The following DGCR2 variants were observed in gnomAD, a reference collection of about 807,000 sequenced individuals.
DGCR2 encodes the protein integral membrane protein DGCR2/IDD.
DGCR2 carries 24 observed loss-of-function variants against 51.6 expected under a neutral mutation model. The observed-to-expected ratio is 0.47, with a 90% CI of 0.34 to 0.65. The LOEUF is 0.65. DGCR2 is among the 30% of genes least tolerant of loss of function. DGCR2 has a pLI of 0.01. For missense variants in DGCR2, 765 were observed against 772.1 expected (o/e 0.99, Z 0.11); for synonymous variants, 340 against 315.4 (o/e 1.08, Z -0.82).
chr22:19,107,953 G>A (rs947187538), intron 1 of DGCR2, among the ~76,000 whole-genome samples: 4 of 152,216 alleles, frequency 2.6e-5, no homozygotes, highest in Non-Finnish European at 4.4e-5. Context: ...TGCTCATTTT[G>A]CATGTGCCAG....
At chr22:19,048,368 G>A in intron 7 of DGCR2, 72 bp downstream of exon 7, 2 of 1,546,512 alleles carry the variant, frequency 1.3e-6, no homozygotes, top group Non-Finnish European at 1.8e-6. Context: ...CACCACTGAG[G>A]AAGCAAAGGG....
In DGCR2 at chr22:19,064,948, C is replaced by T. The variant is rs749451963; in HGVS notation, c.448G>A (p.Gly150Ser). The T allele has an allele frequency of 1.2e-6, 2 of 1,614,042 alleles. No homozygotes were observed. Among genetic ancestry groups the T allele is most frequent in the Admixed American group, 1.7e-5 (1 of 60,036 alleles). Residue 150 changes from glycine to serine, a missense_variant, in exon 4 of 10, where the codon GGC (glycine) becomes AGC (serine). By Grantham distance (56) the Gly-to-Ser change is moderately conservative (BLOSUM62 0). Around this residue, in one of 3 missense-constraint regions of DGCR2, gnomAD observed 370 missense variants for 325.5 expected, o/e 1.14. Coordinates refer to ENST00000263196, the MANE Select transcript of DGCR2 (RefSeq NM_005137.3). ...TCAGTGGAGAAGGTGGCGAGAGAGC[C>T]ATTCAGGCGCTGGCAGGTCTGCGCG... ...DAAQTCQRLN[G>S]SLATFSTDQE...
intron 1 of DGCR2, among the ~76,000 whole-genome samples, chr22:19,118,396 A>AAAC (rs1417512613): frequency 6.6e-6 from 1 of 151,046 alleles, no homozygotes; most frequent in East Asian, 1.9e-4. Flanking sequence ...AAAAAAAAAA[A>AAAC]AACAACTCTG....
chr22:19,077,197 T>C (rs536433834), intron 2 of DGCR2, among the ~76,000 whole-genome samples: 21 of 152,340 alleles, frequency 1.4e-4, no homozygotes, highest in African/African-American at 5.0e-4. Context: ...AATTTTGACG[T>C]AGCTTAATTT....
intron 2 of DGCR2, among the ~76,000 whole-genome samples, chr22:19,068,486 C>T (rs1265998374): frequency 6.6e-6 from 1 of 152,242 alleles, no homozygotes; most frequent in Non-Finnish European, 1.5e-5. Context: ...CTCTTCATTG[C>T]ATTTTCTAAC....
At chr22:19,049,149 G>A (rs1036463220) in intron 6 of DGCR2, among the ~76,000 whole-genome samples, 4 of 152,236 alleles carry the variant, frequency 2.6e-5, no homozygotes, top group Non-Finnish European at 5.9e-5. Context: ...AGTTGCTGAA[G>A]TAGATTACTT....
intron 1 of DGCR2, 160 bp downstream of exon 1, chr22:19,121,968 C>T (rs1217224246): frequency 1.5e-5 from 5 of 333,884 alleles, no homozygotes; most frequent in Non-Finnish European, 2.6e-5. Context: ...CTCCAGCAGG[C>T]GTCCGCAGAG....
chr22:19,053,462 C>T (rs1305220484), intron 6 of DGCR2, among the ~76,000 whole-genome samples: 2 of 152,146 alleles, frequency 1.3e-5, no homozygotes, highest in Non-Finnish European at 2.9e-5. Flanking sequence ...CTGCTAAATA[C>T]GAAAGCCTGA....
At chr22:19,056,204 AC>A (rs901583670) in intron 6 of DGCR2, 5 of 157,404 alleles carry the variant, frequency 3.2e-5, no homozygotes, top group African/African-American at 1.2e-4. Context: ...AGTCCCAGCT[AC>A]TCAGGAAGCT....
At chr22:19,060,915 T>C (rs751758984) in intron 5 of DGCR2, 5 of 511,122 alleles carry the variant, frequency 9.8e-6, no homozygotes, top group South Asian at 2.9e-5. Flanking sequence ...CACATGGGCA[T>C]AGTAAGCGTC....
intron 1 of DGCR2, among the ~76,000 whole-genome samples, chr22:19,108,858 CA>C (rs796971188): frequency 0.15 from 13,949 of 91,754 alleles, 643 homozygotes; most frequent in Middle Eastern, 0.26. Flanking sequence ...CTCATCTTTA[CA>C]AAAAAAAAAA....
At position 19,057,101 on chromosome 22, in the gene DGCR2, G is replaced by T. The variant is rs1017701686; in HGVS notation, c.687C>A (p.Asp229Glu). The stretch of plus-strand genomic sequence containing the variant: ...ACTGAAGCTGGGCACAGAACACGTT[G>T]TCGTTCTCAGACATGGCCGAGGCAA... ...PIFASAMSEN[D>E]NVFCAQLQCF... is the part of the protein sequence containing the mutation. Residue 229 changes from aspartate (D) to glutamate (E), a missense_variant, in exon 6 of 10, where the codon GAC becomes GAA. Transcript: ENST00000263196. This position sits in a 1 kb window ranked among gnomAD's most constrained non-coding sequence, Gnocchi z 5.1. The T allele has an allele frequency of 1.2e-6, 2 of 1,607,418 alleles. No homozygotes were observed. The highest frequency in any genetic ancestry group is 1.7e-6 in the Non-Finnish European group (2 of 1,177,098).
chr22:19,082,222 CTTTTTTTTTTTT>C (rs56725898), intron 2 of DGCR2, among the ~76,000 whole-genome samples: 1 of 88,052 alleles, frequency 1.1e-5, no homozygotes, highest in African/African-American at 4.7e-5. Context: ...CTAATTATTT[CTTTTTTTTTTTT>C]TTTTTTTTTT....
chr22:19,078,900 G>T (rs1423512473), intron 2 of DGCR2, among the ~76,000 whole-genome samples: 35 of 152,186 alleles, frequency 2.3e-4, no homozygotes, highest in Admixed American at 2.3e-3. Flanking sequence ...AAGGACTGAT[G>T]TTAATTCTTC....
intron 9 of DGCR2, 125 bp from the exon 10 acceptor site, chr22:19,039,246 C>G (rs2082405429): frequency 6.9e-6 from 9 of 1,298,342 alleles, no homozygotes; most frequent in Non-Finnish European, 9.5e-6. Flanking sequence ...GGGTGGTGAG[C>G]AGGACCTGGG....
At chr22:19,041,483 C>A (rs2082431569) in intron 8 of DGCR2, 189 bp from the exon 9 acceptor site, 4 of 633,206 alleles carry the variant, frequency 6.3e-6, no homozygotes, top group African/African-American at 3.7e-5. Context: ...GCATGTCTCA[C>A]CCTCACCACA....
intron 1 of DGCR2, among the ~76,000 whole-genome samples, chr22:19,109,989 T>C (rs867671334): frequency 6.6e-6 from 1 of 152,222 alleles, no homozygotes; most frequent in Admixed American, 6.5e-5. Flanking sequence ...GTTCCTCCCT[T>C]GTCTAACAGA....
chr22:19,097,346 G>C (rs1019482089), intron 1 of DGCR2, among the ~76,000 whole-genome samples: 1 of 152,160 alleles, frequency 6.6e-6, no homozygotes, highest in Non-Finnish European at 1.5e-5. Context: ...ACAAGGTCAG[G>C]AGTTCAAGAC....
chr22:19,094,017 TAATA>T (rs150010616), intron 1 of DGCR2, among the ~76,000 whole-genome samples: 24,196 of 150,762 alleles, frequency 0.16, 2,144 homozygotes, highest in South Asian at 0.29. Context: ...TAAAAAAAAA[TAATA>T]AATAAAATAG....
Sources: gnomAD v4.1 joint callset for allele counts (sites outside exome capture counted in the v4.1 genomes callset) on GRCh38, gnomAD v4.1.1 for gene constraint, gnomAD v4.1.1 regional missense constraint, Gnocchi (gnomAD v3.1) non-coding constraint, MANE v1.5 for transcripts, NCBI Gene and HGNC (gene_info 2026-07-23, HGNC 2026-07-21) for gene names.